LMF1: variants seen among roughly 807,000 people sequenced by gnomAD.
LMF1 encodes the protein lipase maturation factor 1.
Under a neutral mutation model 60.6 loss-of-function variants are expected in LMF1, and 68 were observed. The ratio of observed to expected loss-of-function variants is 1.12; its 90% CI spans 0.92 to 1.37. LMF1 has a LOEUF of 1.37. Ranked by LOEUF, LMF1 falls within the 40% of genes most tolerant of loss-of-function variation. LMF1 has a pLI of 0.00. For missense variants in LMF1, 948 were observed against 767.2 expected, an observed-to-expected ratio of 1.24 and a Z score of -2.78; for synonymous variants, 418 against 324.7, an observed-to-expected ratio of 1.29 and a Z score of -3.09.
intron 1 of LMF1, among the ~76,000 whole-genome samples, chr16:958,180 T>G (rs189857316): frequency 3.7e-4 from 57 of 152,326 alleles, no homozygotes; most frequent in African/African-American, 1.3e-3. Context: ...TGACTTGGGT[T>G]TGGCAACAAG....
intron 2 of LMF1, among the ~76,000 whole-genome samples, chr16:938,027 A>G (rs2071992278): frequency 6.8e-6 from 1 of 146,514 alleles, no homozygotes; most frequent in African/African-American, 2.7e-5. Flanking sequence ...ATTTATTTAC[A>G]GAAGTTACCA....
At chr16:856,577 C>T (rs2069189919) in intron 10 of LMF1, among the ~76,000 whole-genome samples, 1 of 152,226 alleles carries the variant, frequency 6.6e-6, no homozygotes, top group South Asian at 2.1e-4. Context: ...GCTTTCTGCT[C>T]CTTCCCAGGA....
chr16:930,299 C>G (rs1028054700), intron 3 of LMF1, among the ~76,000 whole-genome samples: 5 of 152,236 alleles, frequency 3.3e-5, no homozygotes, highest in African/African-American at 1.2e-4. Flanking sequence ...GAGCCCAGGA[C>G]AGCAGCAGGC....
At chr16:957,818 G>T (rs370338398) in intron 1 of LMF1, among the ~76,000 whole-genome samples, 43 of 152,096 alleles carry the variant, frequency 2.8e-4, no homozygotes, top group African/African-American at 9.9e-4. Flanking sequence ...AACAAATTCT[G>T]ACAAAGGTTC....
At chr16:929,503 C>T (rs1437697343) in intron 3 of LMF1, among the ~76,000 whole-genome samples, 5 of 152,240 alleles carry the variant, frequency 3.3e-5, no homozygotes, top group Non-Finnish European at 5.9e-5. Context: ...CCCTGCCACC[C>T]GCTGCTGCGG....
At chr16:880,942 G>A (rs765087886) in intron 5 of LMF1, among the ~76,000 whole-genome samples, 66 of 152,350 alleles carry the variant, frequency 4.3e-4, no homozygotes, top group Non-Finnish European at 7.6e-4. Flanking sequence ...TGCTAGCACA[G>A]CCCGCGGGAG....
rs1295432414 is a variant in LMF1, at chr16:871,359, C to G, written c.898-18G>C. The G allele has an allele frequency of 6.2e-7, 1 of 1,610,636 alleles. No homozygotes were observed. Among genetic ancestry groups the G allele is most frequent in the Non-Finnish European group, 8.5e-7 (1 of 1,179,214 alleles). On this transcript the variant is annotated intron_variant, in intron 6 of 10. Coordinates refer to ENST00000262301, the MANE Select transcript of LMF1 (RefSeq NM_022773.4). ...AGGACGGCCTGTGGAGACGCCGCAG[C>G]TGAGTCTCGTGCAGGGGCTCGTGTG...
intron 3 of LMF1, among the ~76,000 whole-genome samples, chr16:914,346 A>T (rs1472117386): frequency 6.6e-6 from 1 of 152,088 alleles, no homozygotes; most frequent in East Asian, 1.9e-4. Flanking sequence ...TGGGCAGGCC[A>T]AGACCCGGGG....
At chr16:939,229 G>A (rs2072028722) in intron 2 of LMF1, among the ~76,000 whole-genome samples, 1 of 144,926 alleles carries the variant, frequency 6.9e-6, no homozygotes, top group Non-Finnish European at 1.5e-5. Flanking sequence ...GATGTTCTGA[G>A]TAGGGAACAG....
intron 3 of LMF1, among the ~76,000 whole-genome samples, chr16:926,704 C>T (rs12448551): frequency 6.6e-6 from 1 of 152,232 alleles, no homozygotes; most frequent in Non-Finnish European, 1.5e-5. Context: ...GGCACCACGG[C>T]CCACACCCTA....
chr16:941,108 T>C (rs902341038), intron 2 of LMF1, among the ~76,000 whole-genome samples: 2 of 152,232 alleles, frequency 1.3e-5, no homozygotes, highest in African/African-American at 4.8e-5. Flanking sequence ...CACTCTAGCT[T>C]TCCAGTATAT....
chr16:973,670 T>C (rs2073086636), upstream of LMF1, among the ~76,000 whole-genome samples: 1 of 152,214 alleles, frequency 6.6e-6, no homozygotes, highest in Non-Finnish European at 1.5e-5. Context: ...GCAAATGGCT[T>C]ATTTCATGCT....
intron 9 of LMF1, chr16:869,606 A>G (rs1489627769): frequency 1.5e-6 from 1 of 652,744 alleles, no homozygotes; most frequent in Non-Finnish European, 2.8e-6. Context: ...GTTCGTAGAT[A>G]CAGGGTCTCG....
At chr16:952,632 C>T (rs1174445907) in intron 2 of LMF1, 1 of 154,246 alleles carries the variant, frequency 6.5e-6, no homozygotes, top group Non-Finnish European at 1.4e-5. Flanking sequence ...CAGCCCTGAG[C>T]CAGCTGCCTC....
intron 2 of LMF1, among the ~76,000 whole-genome samples, chr16:950,602 G>C (rs2072425793): frequency 7.0e-6 from 1 of 143,320 alleles, no homozygotes; most frequent in Non-Finnish European, 1.5e-5. Context: ...CAGAGTCAGA[G>C]ACAACGACAG....
chr16:877,976 G>A (rs561212200), intron 6 of LMF1, among the ~76,000 whole-genome samples: 1 of 152,180 alleles, frequency 6.6e-6, no homozygotes, highest in African/African-American at 2.4e-5. Context: ...CTACAAACGC[G>A]CGTGGGGTCT....
chr16:880,101 G>A (rs59202974), intron 5 of LMF1, among the ~76,000 whole-genome samples: 4,932 of 152,238 alleles, frequency 0.032, 269 homozygotes, highest in African/African-American at 0.11. Context: ...CCCACAGGCG[G>A]CCAAGCTGCA....
At chr16:934,956 T>C (rs1034761722) in intron 2 of LMF1, among the ~76,000 whole-genome samples, 1 of 152,182 alleles carries the variant, frequency 6.6e-6, no homozygotes, top group Non-Finnish European at 1.5e-5. Context: ...GATGCACCAA[T>C]GCCCGCATGA....
intron 4 of LMF1, chr16:900,028 G>A (rs12934854): frequency 0.31 from 46,712 of 152,194 alleles, 9,385 homozygotes; most frequent in African/African-American, 0.56. Context: ...GCTCCGACAC[G>A]CGTCCCAAAT....
Sources: allele counts gnomAD v4.1 joint callset (sites outside exome capture counted in the v4.1 genomes callset), GRCh38; gene constraint gnomAD v4.1.1; transcripts MANE v1.5; gene names NCBI Gene and HGNC (gene_info 2026-07-23, HGNC 2026-07-21).